KLHL4: variants seen among roughly 807,000 people sequenced by gnomAD.
KLHL4 encodes kelch like family member 4, also known as kelch-like protein 4.
In KLHL4, 17 loss-of-function variants were observed where a neutral mutation model predicts 45.8. The ratio of observed to expected loss-of-function variants is 0.37; its 90% confidence interval spans 0.25 to 0.56. KLHL4 has a LOEUF of 0.56. Ranked by LOEUF, KLHL4 falls within the 20% of genes least tolerant of loss-of-function variation. KLHL4 has a pLI of 0.79. For synonymous variants in KLHL4, 224 were observed against 189.9 expected (o/e 1.18, Z -1.47); for missense variants, 544 against 544.9 (o/e 1.00, Z 0.02).
chrX:87,626,273 C>G (rs1922924732), intron 6 of KLHL4, among the ~76,000 whole-genome samples: 1 of 111,431 alleles, frequency 9.0e-6, no homozygotes, highest in Non-Finnish European at 1.9e-5. Context: ...CGAGACAACT[C>G]AAACTGGGGG....
At chrX:87,630,484 A>C (rs2147822869) in intron 6 of KLHL4, among the ~76,000 whole-genome samples, 2 of 111,306 alleles carry the variant, frequency 1.8e-5, no homozygotes, top group South Asian at 7.5e-4. Flanking sequence ...TTAACTATGA[A>C]ATTTTTTAAA....
At chrX:87,539,523 CT>C (rs891702078) in intron 1 of KLHL4, among the ~76,000 whole-genome samples, 11 of 109,863 alleles carry the variant, frequency 1.0e-4, no homozygotes, top group African/African-American at 3.6e-4. Flanking sequence ...TACTGAACAA[CT>C]TTTTTTTATT....
At chrX:87,645,473 A>C (rs1431593022) in intron 9 of KLHL4, among the ~76,000 whole-genome samples, 4 of 111,620 alleles carry the variant, frequency 3.6e-5, no homozygotes, top group Non-Finnish European at 5.7e-5. Context: ...TAATATAGCC[A>C]CTATGAAAAA....
intron 1 of KLHL4, among the ~76,000 whole-genome samples, chrX:87,605,532 A>T (rs1922164188): frequency 9.1e-6 from 1 of 110,262 alleles, no homozygotes. Context: ...TATTTTTGAG[A>T]TAGCTTGCTG....
chrX:87,668,638 G>A lies in KLHL4; in HGVS notation c.*2104G>A, dbSNP rs765049605. On this transcript the variant is annotated 3_prime_UTR_variant, in exon 11 of 11. Transcript: ENST00000373119. Reference sequence around the variant, plus strand: ...CATGAGGTCTGTGCCCTCCTGAATGGATTAATCCATTCATGGATTAATGGA... The same window carrying A: ...CATGAGGTCTGTGCCCTCCTGAATGAATTAATCCATTCATGGATTAATGGA... The A allele has an allele frequency of 3.8e-4, 63 of 167,260 alleles. 1 individual carries two copies. The highest frequency in any genetic ancestry group is 2.5e-3 in the Admixed American group (26 of 10,380). 13.8% of individuals were successfully genotyped at this position (167,260 alleles called of 1,213,427 possible). A position where few individuals can be genotyped will look rare whatever the true frequency, so the allele number is the denominator to read the frequency against.
chrX:87,526,944 C>A (rs1931123247), intron 1 of KLHL4, among the ~76,000 whole-genome samples: 1 of 111,512 alleles, frequency 9.0e-6, no homozygotes, highest in African/African-American at 3.3e-5. Flanking sequence ...CATTCACTTT[C>A]CTCAGGTTCT....
intron 1 of KLHL4, among the ~76,000 whole-genome samples, chrX:87,543,235 C>T (rs1931601338): frequency 9.0e-6 from 1 of 110,994 alleles, no homozygotes; most frequent in Non-Finnish European, 1.9e-5. Context: ...TGAGAATGGA[C>T]TAATACAGCA....
At chrX:87,605,062 C>A (rs1405436562) in intron 1 of KLHL4, among the ~76,000 whole-genome samples, 2 of 111,103 alleles carry the variant, frequency 1.8e-5, no homozygotes, top group Non-Finnish European at 3.8e-5. Context: ...TATTGAAAAC[C>A]ACTTGACTAT....
chrX:87,537,951 G>T (rs141303406), intron 1 of KLHL4, among the ~76,000 whole-genome samples: 2,477 of 111,298 alleles, frequency 0.022, 27 homozygotes, highest in Non-Finnish European at 0.034. Context: ...AATCTGGTGT[G>T]CTGGAAAGCA....
intron 8 of KLHL4, among the ~76,000 whole-genome samples, chrX:87,635,015 A>G (rs1004864463): frequency 1.8e-5 from 2 of 112,028 alleles, no homozygotes; most frequent in Non-Finnish European, 3.8e-5. Context: ...TTTAAAATGT[A>G]TGGGAGAAAT....
intron 9 of KLHL4, among the ~76,000 whole-genome samples, chrX:87,649,372 A>G (rs1923736145): frequency 9.0e-6 from 1 of 111,567 alleles, no homozygotes; most frequent in East Asian, 2.8e-4. Context: ...TTCCTTTTTA[A>G]GGCTGAATAT....
At chrX:87,539,760 T>A (rs919929716) in intron 1 of KLHL4, among the ~76,000 whole-genome samples, 1 of 111,368 alleles carries the variant, frequency 9.0e-6, no homozygotes, top group Non-Finnish European at 1.9e-5. Context: ...TTACTCTATT[T>A]AGTAAACTTC....
intron 1 of KLHL4, among the ~76,000 whole-genome samples, chrX:87,530,907 T>G (rs1323625827): frequency 9.0e-6 from 1 of 110,714 alleles, no homozygotes. Context: ...AGTGTTCCTT[T>G]TTCTCCACAT....
chrX:87,580,378 T>C (rs776888460), intron 1 of KLHL4, among the ~76,000 whole-genome samples: 1 of 105,527 alleles, frequency 9.5e-6, no homozygotes, highest in East Asian at 3.0e-4. Flanking sequence ...CTACCAAAAA[T>C]AATTTAAACA....
chrX:87,648,819 T>C (rs964937053), intron 9 of KLHL4, among the ~76,000 whole-genome samples: 4 of 111,332 alleles, frequency 3.6e-5, no homozygotes, highest in African/African-American at 9.8e-5. Flanking sequence ...AAATCAGTTA[T>C]TAAGAGATGC....
intron 1 of KLHL4, among the ~76,000 whole-genome samples, chrX:87,574,358 A>T (rs1469426991): frequency 9.0e-6 from 1 of 111,716 alleles, no homozygotes; most frequent in African/African-American, 3.2e-5. Context: ...AGTTCAAATT[A>T]TGCTTTAAAA....
intron 1 of KLHL4, among the ~76,000 whole-genome samples, chrX:87,535,967 C>T (rs958164363): frequency 9.1e-5 from 10 of 109,827 alleles, no homozygotes; most frequent in Non-Finnish European, 1.5e-4. Flanking sequence ...TTTTTGAGGC[C>T]TCCCAGAAGC....
intron 1 of KLHL4, among the ~76,000 whole-genome samples, chrX:87,580,659 A>G (rs752652534): frequency 2.7e-5 from 3 of 112,360 alleles, no homozygotes; most frequent in African/African-American, 9.7e-5. Flanking sequence ...ATATCAATTT[A>G]TCAAGAAGAT....
intron 1 of KLHL4, among the ~76,000 whole-genome samples, chrX:87,568,383 CTTTTTTTCTTTT>C (rs1415417659): frequency 1.7e-4 from 10 of 59,250 alleles, no homozygotes; most frequent in African/African-American, 5.9e-4. Flanking sequence ...TTTTTCTTTT[CTTTTTTTCTTTT>C]TTTTTTTTTT....
Sources: allele counts gnomAD v4.1 joint callset (sites outside exome capture counted in the v4.1 genomes callset), GRCh38; gene constraint gnomAD v4.1.1; transcripts MANE v1.5; gene names NCBI Gene and HGNC (gene_info 2026-07-23, HGNC 2026-07-21).